The following ALCAM variants were observed in gnomAD, a reference collection of about 807,000 sequenced individuals.
The protein encoded by ALCAM is activated leukocyte cell adhesion molecule.
Under a neutral mutation model 70.9 loss-of-function variants are expected in ALCAM, and 30 were observed. The ratio of observed to expected loss-of-function variants is 0.42; its 90% CI spans 0.32 to 0.57. The LOEUF is 0.57. ALCAM is among the 20% of genes least tolerant of loss of function. ALCAM has a pLI of 0.11. For missense variants in ALCAM, 591 were observed against 695.1 expected (o/e 0.85, Z 1.68); for synonymous variants, 249 against 242.5 (o/e 1.03, Z -0.25).
intron 1 of ALCAM, among the ~76,000 whole-genome samples, chr3:105,481,103 A>G (rs1938257976): frequency 6.6e-6 from 1 of 152,138 alleles, no homozygotes; most frequent in South Asian, 2.1e-4. Context: ...GTTTACAAAA[A>G]TAGGAACCAT....
At chr3:105,523,006 G>A (rs765412811) in intron 2 of ALCAM, among the ~76,000 whole-genome samples, 3 of 152,006 alleles carry the variant, frequency 2.0e-5, no homozygotes, top group Non-Finnish European at 4.4e-5. Flanking sequence ...CAGGCGTGGT[G>A]GCGCGTGCCT....
chr3:105,571,861 A>G lies in ALCAM; in HGVS notation c.1674A>G (p.Ser558=), dbSNP rs1007703543. The change falls in exon 15 of 16, where the codon TCA becomes TCG. Residue 558 remains serine, a synonymous_variant. Transcript: ENST00000306107. Reference sequence around the variant, plus strand: ...TTTAATTCTCTTACAGGACTGCATCAAAACATGTAAACAAGGACCTCGGTA... The same window carrying G: ...TTTAATTCTCTTACAGGACTGCATCGAAACATGTAAACAAGGACCTCGGTA... The part of the protein sequence containing the change: ...WLYMKKSKTA[S]KHVNKDLGNM... 1 of 1,611,528 alleles carries G rather than the reference A, an allele frequency of 6.2e-7. No individual in the cohort carries two copies. The highest frequency in any genetic ancestry group is 2.2e-5 in the East Asian group (1 of 44,834).
At position 105,547,361 on chromosome 3, in the gene ALCAM, A is replaced by C. The variant is rs550837588; in HGVS notation, c.1241-29A>C. 3 of 1,592,306 alleles carry C rather than the reference A, an allele frequency of 1.9e-6. No individual in the cohort carries two copies. In the South Asian group the frequency reaches 3.4e-5, roughly 18 times the overall value. ...CTGGTTTCTTTTATGATCTCAGTTCAACATCTTATTTTAATTGTAATATTT... is the reference window on the plus strand; with the variant it reads ...CTGGTTTCTTTTATGATCTCAGTTCCACATCTTATTTTAATTGTAATATTT... On this transcript the variant is annotated intron_variant, in intron 10 of 15. Transcript: ENST00000306107.
intron 12 of ALCAM, 136 bp from the exon 13 acceptor site, chr3:105,552,006 ATT>A (rs10716366): frequency 3.9e-3 from 1,823 of 462,698 alleles, no homozygotes; most frequent in Non-Finnish European, 4.9e-3. Context: ...ATTAAGTGTG[ATT>A]TTTTTTTTTT....
chr3:105,513,595 A>C (rs1183331981), intron 1 of ALCAM, among the ~76,000 whole-genome samples: 1 of 151,932 alleles, frequency 6.6e-6, no homozygotes, highest in South Asian at 2.1e-4. Context: ...AAGTTAAGAA[A>C]TGCTAATGAG....
At chr3:105,422,347 T>A (rs1361648215) in intron 1 of ALCAM, among the ~76,000 whole-genome samples, 1 of 151,492 alleles carries the variant, frequency 6.6e-6, no homozygotes, top group Non-Finnish European at 1.5e-5. Flanking sequence ...TAAAAGTACT[T>A]TAAAACAACT....
chr3:105,387,052 G>A lies in ALCAM; in HGVS notation c.73+19571G>A, dbSNP rs887831121. 1.5e-4 allele frequency among the ~76,000 whole-genome samples: 22 copies of A among 151,344 alleles called. No homozygotes were observed. In the East Asian group the frequency reaches 1.8e-3, roughly 12 times the overall value. ...AGTTTGCCTCTTCTTTTTACCCCAC[G>A]TTATTCTCCAAATAGAAATCTTGAG... On this transcript the variant is annotated intron_variant, in intron 1 of 15. Coordinates refer to ENST00000306107, the MANE Select transcript of ALCAM (RefSeq NM_001627.4).
intron 1 of ALCAM, chr3:105,439,462 C>T (rs1241619929): frequency 6.6e-6 from 1 of 151,804 alleles, no homozygotes; most frequent in African/African-American, 2.4e-5. Flanking sequence ...TATAGAAAGT[C>T]ATATGGAATA....
In ALCAM at chr3:105,427,873, A is replaced by G. The variant is rs978761311; in HGVS notation, c.73+60392A>G. On this transcript the variant is annotated intron_variant, in intron 1 of 15. Transcript: ENST00000306107. ...TCTTACCATTGGAAAACACCTTTAA[A>G]TGATACACAGAGAAAGTTTCCAGAA... 2.6e-5 allele frequency among the ~76,000 whole-genome samples: 4 copies of G among 151,940 alleles called. No individual in the cohort carries two copies. In the East Asian group the frequency reaches 7.7e-4, roughly 29 times the overall value.
At chr3:105,368,257 GAGAGAGAA>G (rs950547221) in intron 1 of ALCAM, among the ~76,000 whole-genome samples, 4 of 146,272 alleles carry the variant, frequency 2.7e-5, no homozygotes, top group African/African-American at 9.9e-5. Context: ...GAGAGAGAGA[GAGAGAGAA>G]AAGGCAAAAT....
intron 1 of ALCAM, among the ~76,000 whole-genome samples, chr3:105,418,330 CTG>C (rs1332807131): frequency 6.6e-6 from 1 of 151,714 alleles, no homozygotes; most frequent in Non-Finnish European, 1.5e-5. Context: ...ACATGGGGTA[CTG>C]TGTGTGTTGG....
chr3:105,551,758 C>T (rs1940412876), intron 12 of ALCAM, among the ~76,000 whole-genome samples: 1 of 151,340 alleles, frequency 6.6e-6, no homozygotes, highest in Non-Finnish European at 1.5e-5. Flanking sequence ...CTATATCGGG[C>T]AGGAAAGTTG....
At chr3:105,552,703 C>A in intron 14 of ALCAM, 118 bp downstream of exon 14, 1 of 1,545,204 alleles carries the variant, frequency 6.5e-7, no homozygotes, top group Non-Finnish European at 8.7e-7. Context: ...AAGATGTATC[C>A]CCAAATCAGG....
intron 1 of ALCAM, among the ~76,000 whole-genome samples, chr3:105,485,396 T>TGC (rs1553727615): frequency 1.4e-5 from 2 of 143,324 alleles, no homozygotes; most frequent in East Asian, 4.2e-4. Context: ...TGTGTGTGTG[T>TGC]GCGCGCACAT....
At chr3:105,372,974 A>C (rs1482810780) in intron 1 of ALCAM, among the ~76,000 whole-genome samples, 1 of 152,150 alleles carries the variant, frequency 6.6e-6, no homozygotes, top group Non-Finnish European at 1.5e-5. Flanking sequence ...GCTCAATGAC[A>C]CTTCCACTAT....
At chr3:105,428,109 A>C (rs908065959) in intron 1 of ALCAM, among the ~76,000 whole-genome samples, 4 of 151,990 alleles carry the variant, frequency 2.6e-5, no homozygotes, top group Admixed American at 2.6e-4. Context: ...GGGAGTTGCT[A>C]TGTGTTGTTG....
chr3:105,389,370 A>ATTTTT (rs1559774280), intron 1 of ALCAM, among the ~76,000 whole-genome samples: 3 of 25,130 alleles, frequency 1.2e-4, no homozygotes, highest in Admixed American at 1.2e-3. Context: ...ATATATACAT[A>ATTTTT]GTTTTTTTTT....
At chr3:105,450,105 T>TAATAATAGTTCC (rs1937392177) in intron 1 of ALCAM, among the ~76,000 whole-genome samples, 2 of 152,322 alleles carry the variant, frequency 1.3e-5, no homozygotes, top group South Asian at 4.1e-4. Flanking sequence ...ATAATAGTTC[T>TAATAATAGTTCC]AATAATAGTT....
At chr3:105,379,869 A>G (rs1010064026) in intron 1 of ALCAM, among the ~76,000 whole-genome samples, 2 of 151,918 alleles carry the variant, frequency 1.3e-5, no homozygotes, top group Middle Eastern at 3.4e-3. Flanking sequence ...TCCACAAATA[A>G]TATGTGTTTT....
Sources: gnomAD v4.1 joint callset for allele counts (sites outside exome capture counted in the v4.1 genomes callset) on GRCh38, gnomAD v4.1.1 for gene constraint, MANE v1.5 for transcripts, NCBI Gene and HGNC (gene_info 2026-07-23, HGNC 2026-07-21) for gene names.